The following WWP1 variants were observed in gnomAD, a reference collection of about 807,000 sequenced individuals.
WWP1 encodes NEDD4-like E3 ubiquitin-protein ligase WWP1.
A neutral mutation model predicts 130.6 loss-of-function variants in WWP1; 49 were observed. The ratio of observed to expected loss-of-function variants is 0.38; its 90% CI spans 0.30 to 0.48. The LOEUF (loss-of-function observed/expected upper bound fraction) is 0.48, where lower values mean the gene tolerates loss of function less well. WWP1 is among the 20% of genes least tolerant of loss of function. WWP1 has a pLI of 0.99. For missense variants in WWP1, 809 were observed against 1,100.6 expected, an observed-to-expected ratio of 0.74 and a Z score of 3.75; for synonymous variants, 332 against 367.8, an observed-to-expected ratio of 0.90 and a Z score of 1.11.
In WWP1 at chr8:86,427,791, C is replaced by G; in HGVS notation, c.1306C>G (p.Gln436Glu). 1 of 1,611,934 alleles carries G rather than the reference C, an allele frequency of 6.2e-7. No individual in the cohort carries two copies. The highest frequency in any genetic ancestry group is 2.2e-5 in the East Asian group (1 of 44,820). The change falls in exon 11 of 25, where the codon CAG becomes GAG. Residue 436 changes from glutamine (Q) to glutamate (E), a missense_variant. Physicochemically the swap from Gln to Glu is conservative, Grantham distance 29. Around this residue, in one of 3 missense-constraint regions of WWP1, gnomAD observed 450 missense variants for 674.2 expected, o/e 0.67. Transcript: ENST00000517970. ...GAACCAATTGCAGGGAGCTATGCAA[C>G]AGTTTAACCAACGATACCTCTATTC... ...QRNQLQGAMQ[Q>E]FNQRYLYSAS...
intron 24 of WWP1, among the ~76,000 whole-genome samples, chr8:86,465,971 G>A (rs1046341384): frequency 6.6e-6 from 1 of 152,104 alleles, no homozygotes; most frequent in Non-Finnish European, 1.5e-5. Flanking sequence ...GGTGACAGTG[G>A]TAAGAAGGCA....
At chr8:86,356,066 G>A (rs1823235705) in intron 1 of WWP1, among the ~76,000 whole-genome samples, 1 of 152,168 alleles carries the variant, frequency 6.6e-6, no homozygotes, top group African/African-American at 2.4e-5. Flanking sequence ...TAATGTTAGA[G>A]ATAATTTTTT....
intron 5 of WWP1, among the ~76,000 whole-genome samples, chr8:86,389,465 G>T (rs188553459): frequency 7.2e-5 from 11 of 152,316 alleles, no homozygotes; most frequent in African/African-American, 2.2e-4. Context: ...GAGAGCACCA[G>T]GTTGGGGGTA....
At chr8:86,364,829 A>AG (rs1563468141) in intron 1 of WWP1, among the ~76,000 whole-genome samples, 5 of 121,838 alleles carry the variant, frequency 4.1e-5, no homozygotes, top group Admixed American at 1.6e-4. Flanking sequence ...GAAAGAAAGA[A>AG]AGAAAGAGAG....
intron 5 of WWP1, among the ~76,000 whole-genome samples, chr8:86,386,034 G>C (rs1825263858): frequency 6.6e-6 from 1 of 152,040 alleles, no homozygotes; most frequent in Non-Finnish European, 1.5e-5. Flanking sequence ...TTCAACTCCT[G>C]GTTTCAGTGC....
At chr8:86,350,949 A>C (rs537230697) in intron 1 of WWP1, among the ~76,000 whole-genome samples, 1 of 152,218 alleles carries the variant, frequency 6.6e-6, no homozygotes, top group Admixed American at 6.5e-5. Flanking sequence ...TTACCTTAGA[A>C]GTAAACAAAC....
intron 1 of WWP1, among the ~76,000 whole-genome samples, chr8:86,344,030 T>C (rs1034345409): frequency 6.6e-6 from 1 of 152,202 alleles, no homozygotes; most frequent in African/African-American, 2.4e-5. Flanking sequence ...AATCTGTGTG[T>C]ATTATACAAG....
At chr8:86,419,144 G>T (rs1480604625) in intron 9 of WWP1, among the ~76,000 whole-genome samples, 1 of 152,168 alleles carries the variant, frequency 6.6e-6, no homozygotes, top group Non-Finnish European at 1.5e-5. Flanking sequence ...CTAGGGCTGG[G>T]CGCGGTGGCT....
rs537836106 is a variant in WWP1 at position 86,395,934 on chromosome 8, C to T, written c.335-2408C>T. 3.3e-5 allele frequency among the ~76,000 whole-genome samples: 5 copies of T among 152,088 alleles called. No individual in the cohort carries two copies. The South Asian group carries it at 1.0e-3, about 31-fold the overall frequency. ...ACTAAAGAGATTTTAAAAGGCTCTT[C>T]TTTAGGAATCTATTCAAACAGCTAT... On this transcript the variant is annotated intron_variant, in intron 5 of 24. Transcript: ENST00000517970.
At chr8:86,384,876 C>T (rs138835727) in intron 5 of WWP1, among the ~76,000 whole-genome samples, 1 of 151,838 alleles carries the variant, frequency 6.6e-6, no homozygotes, top group East Asian at 1.9e-4. Flanking sequence ...ATCAAAGATA[C>T]AAAAAATTAG....
At chr8:86,364,833 A>AAGAAAGAAAGAG (rs1491179112) in intron 1 of WWP1, among the ~76,000 whole-genome samples, 2 of 113,742 alleles carry the variant, frequency 1.8e-5, no homozygotes, top group African/African-American at 6.3e-5. Context: ...GAAAGAAAGA[A>AAGAAAGAAAGAG]AGAGAGAGAG....
At chr8:86,417,729 C>A (rs574633671) in intron 9 of WWP1, among the ~76,000 whole-genome samples, 1 of 152,094 alleles carries the variant, frequency 6.6e-6, no homozygotes, top group Non-Finnish European at 1.5e-5. Flanking sequence ...TTTCTGATTA[C>A]AAAATTAAGA....
chr8:86,466,699 T>C (rs544333050), intron 24 of WWP1, 95 bp from the exon 25 acceptor site: 3 of 788,550 alleles, frequency 3.8e-6, no homozygotes, highest in Admixed American at 5.5e-5. Context: ...AGTATACATA[T>C]ATCCATTCAG....
intron 22 of WWP1, among the ~76,000 whole-genome samples, chr8:86,458,246 T>G (rs1016489212): frequency 2.0e-5 from 3 of 152,246 alleles, no homozygotes; most frequent in African/African-American, 7.2e-5. Context: ...TGACAGAATC[T>G]TATTTAAGTA....
intron 17 of WWP1, among the ~76,000 whole-genome samples, chr8:86,439,220 G>A (rs1810464638): frequency 1.3e-5 from 2 of 152,122 alleles, no homozygotes; most frequent in East Asian, 1.9e-4. Context: ...GTGGGCGCCT[G>A]TAGTTCCAGC....
intron 1 of WWP1, among the ~76,000 whole-genome samples, chr8:86,347,746 T>A (rs546490870): frequency 6.6e-6 from 1 of 152,380 alleles, no homozygotes; most frequent in African/African-American, 2.4e-5. Context: ...TTAATTCTGT[T>A]GCTTTTACAG....
At chr8:86,378,379 G>A (rs1288308447) in intron 3 of WWP1, among the ~76,000 whole-genome samples, 1 of 151,770 alleles carries the variant, frequency 6.6e-6, no homozygotes, top group African/African-American at 2.4e-5. Flanking sequence ...TTCTCTTCAT[G>A]TGACTCTTAC....
Position 86,365,604 on chromosome 8 carries a change from C to T in WWP1, c.-114-3335C>T, listed in dbSNP as rs1823923396. Among the ~76,000 whole-genome samples the T allele has an allele frequency of 2.0e-5, 3 of 152,146 alleles. No individual in the cohort carries two copies. The South Asian group carries it at 6.2e-4, about 31-fold the overall frequency. ...TGTAAGTTATCAGGAGAGGGGCATTCTTGTGTTTTGAATATGAATGGATCA... is the reference window on the plus strand; with the variant it reads ...TGTAAGTTATCAGGAGAGGGGCATTTTTGTGTTTTGAATATGAATGGATCA... On this transcript the variant is annotated intron_variant, in intron 1 of 24. Transcript: ENST00000517970.
At chr8:86,455,439 C>T (rs1423400960) in intron 21 of WWP1, among the ~76,000 whole-genome samples, 1 of 151,830 alleles carries the variant, frequency 6.6e-6, no homozygotes, top group African/African-American at 2.4e-5. Flanking sequence ...AGGTAACCCA[C>T]CAAAAAACTA....
Sources: allele counts gnomAD v4.1 joint callset (sites outside exome capture counted in the v4.1 genomes callset), GRCh38; gene constraint gnomAD v4.1.1; regional missense constraint gnomAD v4.1.1; transcripts MANE v1.5; gene names NCBI Gene and HGNC (gene_info 2026-07-23, HGNC 2026-07-21).